The following FAM193A variants were observed in gnomAD, a reference collection of about 807,000 sequenced individuals.
FAM193A encodes the protein family with sequence similarity 193 member A, also known as protein FAM193A.
FAM193A carries 22 observed loss-of-function variants against 126.5 expected under a neutral mutation model. The observed-to-expected ratio is 0.17, with a 90% CI of 0.12 to 0.25. FAM193A has a LOEUF of 0.25. Among genes scored for constraint, FAM193A ranks in the 10% least tolerant of loss-of-function variants. The pLI, the probability that FAM193A is intolerant of heterozygous loss-of-function variation, is 1.00. For synonymous variants in FAM193A, 761 were observed against 646.8 expected (o/e 1.18, Z -2.68); for missense variants, 1,675 against 1,672.8 (o/e 1.00, Z -0.02).
chr4:2,709,156 A>C (rs1472104050), intron 19 of FAM193A, among the ~76,000 whole-genome samples: 2 of 152,152 alleles, frequency 1.3e-5, no homozygotes, highest in South Asian at 4.1e-4. Flanking sequence ...GCATCTGTGG[A>C]GATAACCATG....
chr4:2,594,658 A>T (rs1279397247), intron 1 of FAM193A, among the ~76,000 whole-genome samples: 1 of 151,932 alleles, frequency 6.6e-6, no homozygotes, highest in Non-Finnish European at 1.5e-5. Context: ...CTTCCTCCTA[A>T]GGTGCAGAGG....
At chr4:2,674,518 G>C (rs972624839) in intron 13 of FAM193A, among the ~76,000 whole-genome samples, 2 of 152,144 alleles carry the variant, frequency 1.3e-5, no homozygotes, top group African/African-American at 2.4e-5. Flanking sequence ...ACGTGGAGGG[G>C]GCCTTGTGTA....
chr4:2,704,980 C>T (rs7677416), intron 19 of FAM193A, among the ~76,000 whole-genome samples: 1 of 152,076 alleles, frequency 6.6e-6, no homozygotes, highest in African/African-American at 2.4e-5. Context: ...GGCGCGATCT[C>T]GGCTCACTGC....
intron 5 of FAM193A, among the ~76,000 whole-genome samples, chr4:2,639,001 T>C (rs1744354704): frequency 6.6e-6 from 1 of 152,250 alleles, no homozygotes; most frequent in South Asian, 2.1e-4. Context: ...ACACAAGTAG[T>C]GTCCGTGTAG....
chr4:2,629,885 T>C (rs529656416), intron 4 of FAM193A, among the ~76,000 whole-genome samples: 51 of 152,296 alleles, frequency 3.3e-4, no homozygotes, highest in East Asian at 2.3e-3. Flanking sequence ...TAAGTCCCAG[T>C]ACTTTGAGAG....
intron 20 of FAM193A, 24 bp from the exon 21 acceptor site, chr4:2,731,751 C>T (rs1721422024): frequency 1.3e-6 from 2 of 1,591,666 alleles, no homozygotes; most frequent in South Asian, 2.2e-5. Context: ...CCTTCAGTGA[C>T]TGTTTGGCTT....
At chr4:2,700,713 C>T (rs1337563179) in intron 19 of FAM193A, among the ~76,000 whole-genome samples, 169 bp downstream of exon 19, 1 of 152,146 alleles carries the variant, frequency 6.6e-6, no homozygotes. Context: ...GTAATCCCAG[C>T]ACTTTGTGAG....
chr4:2,643,301 A>G (rs1175579732), intron 6 of FAM193A, among the ~76,000 whole-genome samples: 2 of 152,212 alleles, frequency 1.3e-5, no homozygotes, highest in African/African-American at 4.8e-5. Context: ...TACTGATTAC[A>G]TACAAACACC....
At chr4:2,627,106 A>C (rs910133089) in intron 4 of FAM193A, among the ~76,000 whole-genome samples, 3 of 151,374 alleles carry the variant, frequency 2.0e-5, no homozygotes, top group Non-Finnish European at 4.4e-5. Flanking sequence ...CTCAGTAACC[A>C]CACAGAATTT....
At chr4:2,729,791 T>C (rs1269244599) in intron 20 of FAM193A, among the ~76,000 whole-genome samples, 1 of 152,148 alleles carries the variant, frequency 6.6e-6, no homozygotes, top group Non-Finnish European at 1.5e-5. Context: ...TTGTGTTTTT[T>C]TGTAGAGATG....
chr4:2,636,817 T>A (rs1214161561), intron 5 of FAM193A, among the ~76,000 whole-genome samples: 2 of 152,212 alleles, frequency 1.3e-5, no homozygotes, highest in Non-Finnish European at 2.9e-5. Context: ...ACATGTTAAT[T>A]TGCTGTGCAA....
chr4:2,697,651 C>T (rs1220674428), intron 18 of FAM193A, among the ~76,000 whole-genome samples: 1 of 152,236 alleles, frequency 6.6e-6, no homozygotes, highest in Non-Finnish European at 1.5e-5. Context: ...TGTGTTGTTA[C>T]TTGTATCTTA....
chr4:2,543,775 C>T (rs1027096858), intron 1 of FAM193A, among the ~76,000 whole-genome samples: 1 of 147,342 alleles, frequency 6.8e-6, no homozygotes, highest in Non-Finnish European at 1.5e-5. Context: ...TGAGAATCGC[C>T]TGAACCCGGG....
intron 1 of FAM193A, among the ~76,000 whole-genome samples, chr4:2,542,932 A>C (rs544635803): frequency 1.3e-5 from 2 of 152,144 alleles, no homozygotes; most frequent in African/African-American, 4.8e-5. Flanking sequence ...GGTAGCTTCA[A>C]CAAAGGAGGA....
intron 2 of FAM193A, among the ~76,000 whole-genome samples, chr4:2,608,868 T>C (rs1403241150): frequency 6.6e-6 from 1 of 151,722 alleles, no homozygotes; most frequent in Non-Finnish European, 1.5e-5. Context: ...CTCTTTAAAA[T>C]AATGTTGTTA....
intron 1 of FAM193A, among the ~76,000 whole-genome samples, chr4:2,576,334 G>C (rs969045149): frequency 1.3e-5 from 2 of 151,910 alleles, no homozygotes. Flanking sequence ...TCCTGACCTC[G>C]TGATCCGCCT....
intron 1 of FAM193A, among the ~76,000 whole-genome samples, chr4:2,582,145 TCTC>T (rs1417268734): frequency 1.3e-5 from 2 of 152,072 alleles, no homozygotes; most frequent in African/African-American, 4.8e-5. Flanking sequence ...CAGTCTCTCC[TCTC>T]CTCCTCCAGC....
At chr4:2,592,378 G>T (rs1017041704) in intron 1 of FAM193A, among the ~76,000 whole-genome samples, 1 of 152,016 alleles carries the variant, frequency 6.6e-6, no homozygotes, top group African/African-American at 2.4e-5. Flanking sequence ...GTGAGCCACC[G>T]CGCCCAGCCT....
intron 7 of FAM193A, among the ~76,000 whole-genome samples, chr4:2,655,335 C>G (rs926359318): frequency 1.3e-5 from 2 of 152,150 alleles, no homozygotes; most frequent in Non-Finnish European, 2.9e-5. Context: ...TTGAGACATT[C>G]TTGCGTTCCT....
Sources: gnomAD v4.1 joint callset for allele counts (sites outside exome capture counted in the v4.1 genomes callset) on GRCh38, gnomAD v4.1.1 for gene constraint, MANE v1.5 for transcripts, NCBI Gene and HGNC (gene_info 2026-07-23, HGNC 2026-07-21) for gene names.